PTPN14: variants seen among roughly 807,000 people sequenced by gnomAD.
PTPN14 encodes protein tyrosine phosphatase non-receptor type 14, also known as tyrosine-protein phosphatase non-receptor type 14.
Under a neutral mutation model 126.8 loss-of-function variants are expected in PTPN14, and 53 were observed. The ratio of observed to expected loss-of-function variants is 0.42; its 90% CI spans 0.34 to 0.53. PTPN14 has a LOEUF of 0.53. Among genes scored for constraint, PTPN14 ranks in the 20% least tolerant of loss-of-function variants. The pLI is 0.08. For missense variants in PTPN14, 1,257 were observed against 1,552.9 expected, an observed-to-expected ratio of 0.81 and a Z score of 3.20; for synonymous variants, 630 against 599.3, an observed-to-expected ratio of 1.05 and a Z score of -0.75.
intron 11 of PTPN14, among the ~76,000 whole-genome samples, chr1:214,387,604 G>A (rs1247429235): frequency 6.6e-6 from 1 of 151,774 alleles, no homozygotes; most frequent in East Asian, 1.9e-4. Context: ...GTTGAACCTG[G>A]GCGGCGGAGG....
chr1:214,416,943 G>A (rs1220476382), intron 3 of PTPN14, among the ~76,000 whole-genome samples: 1 of 151,774 alleles, frequency 6.6e-6, no homozygotes, highest in African/African-American at 2.4e-5. Context: ...AAATATAACA[G>A]TGAATTCTAT....
At chr1:214,530,645 T>A (rs1655521911) in intron 1 of PTPN14, 2 of 152,140 alleles carry the variant, frequency 1.3e-5, no homozygotes, top group Admixed American at 6.5e-5. Context: ...CCTGGCTCTA[T>A]AATATATTTT....
chr1:214,472,449 T>C (rs1410340020), intron 1 of PTPN14, among the ~76,000 whole-genome samples: 1 of 152,192 alleles, frequency 6.6e-6, no homozygotes, highest in Admixed American at 6.5e-5. Context: ...TGCAGAAGCA[T>C]GAGCCAATTC....
intron 1 of PTPN14, among the ~76,000 whole-genome samples, chr1:214,493,858 G>GT (rs1661302753): frequency 6.6e-6 from 1 of 152,096 alleles, no homozygotes; most frequent in Admixed American, 6.5e-5. Context: ...TCAAAAAAAA[G>GT]TAAGAACAAC....
chr1:214,518,940 T>C (rs569630153), intron 1 of PTPN14, among the ~76,000 whole-genome samples: 2 of 152,316 alleles, frequency 1.3e-5, no homozygotes, highest in East Asian at 3.9e-4. Flanking sequence ...ACTAATTTCC[T>C]AGATAATTTG....
chr1:214,439,741 T>C (rs1306400508), intron 3 of PTPN14, among the ~76,000 whole-genome samples: 1 of 152,212 alleles, frequency 6.6e-6, no homozygotes, highest in Non-Finnish European at 1.5e-5. Context: ...TGCTGACACC[T>C]TTCTACTGTT....
rs1361077952 is a variant in PTPN14 at position 214,551,212 on chromosome 1, A to C, written c.-184T>G. On this transcript the variant is annotated 5_prime_UTR_variant, in exon 1 of 19. Transcript: ENST00000366956. ...TTACATGGCCCCCGTGGCGCCCCGG[A>C]GTCCCGCGCGGAAAGGCTGTCCTTC... 1 of 152,322 alleles carries C rather than the reference A, an allele frequency of 6.6e-6. No individual in the cohort carries two copies. Among genetic ancestry groups the C allele is most frequent in the Admixed American group, 6.5e-5 (1 of 15,292 alleles). 9.4% of individuals were successfully genotyped at this position (152,322 alleles called of 1,614,324 possible).
At chr1:214,423,404 C>T (rs1303185445) in intron 3 of PTPN14, among the ~76,000 whole-genome samples, 1 of 152,124 alleles carries the variant, frequency 6.6e-6, no homozygotes, top group Non-Finnish European at 1.5e-5. Flanking sequence ...GGCACACTTC[C>T]GGTGACCACA....
chr1:214,504,447 C>T (rs373774571), intron 1 of PTPN14, among the ~76,000 whole-genome samples: 7 of 152,106 alleles, frequency 4.6e-5, no homozygotes, highest in African/African-American at 1.7e-4. Flanking sequence ...CTCTTCCTGT[C>T]GCACCAAAAC....
At chr1:214,449,533 G>A (rs1295238254) in intron 3 of PTPN14, among the ~76,000 whole-genome samples, 1 of 152,092 alleles carries the variant, frequency 6.6e-6, no homozygotes, top group Non-Finnish European at 1.5e-5. Context: ...CTTAATGGCC[G>A]AGAGCCAAGA....
chr1:214,404,083 T>C (rs1309509978), intron 5 of PTPN14, among the ~76,000 whole-genome samples: 2 of 152,190 alleles, frequency 1.3e-5, no homozygotes, highest in African/African-American at 2.4e-5. Context: ...TATATAAAGA[T>C]TCATCTCCAA....
rs1159209240 is a variant in PTPN14 at position 214,436,786 on chromosome 1, C to CAA, written c.344+15017_344+15018dup. Among the ~76,000 whole-genome samples the CAA allele has an allele frequency of 5.8e-3, 269 of 46,510 alleles. 9 individuals are homozygous for CAA. Among genetic ancestry groups the CAA allele is most frequent in the Non-Finnish European group, 7.3e-3 (166 of 22,720 alleles). 30.5% of individuals were successfully genotyped at this position (46,510 alleles called of 152,430 possible). ...TGGGCGACAGAGAAAGACTCCGTCT[C>CAA]AAAAAAAAAAAAAAAAAAAAAAAAA... On this transcript the variant is annotated intron_variant, in intron 3 of 18. Coordinates refer to ENST00000366956, the MANE Select transcript of PTPN14 (RefSeq NM_005401.5).
rs910834635 is a variant in PTPN14 at position 214,549,336 on chromosome 1, G to T, written c.-155+1847C>A. Among the ~76,000 whole-genome samples the T allele has an allele frequency of 9.2e-5, 14 of 152,214 alleles. 1 individual carries two copies. The highest frequency in any genetic ancestry group is 3.4e-4 in the African/African-American group (14 of 41,454). On this transcript the variant is annotated intron_variant, in intron 1 of 18. Transcript: ENST00000366956. ...CTGGGCCATTAGTCTACAAAAATGT[G>T]CAAGATAGTGTTTTCTATTTTCATA...
At chr1:214,446,699 A>T (rs1660148311) in intron 3 of PTPN14, among the ~76,000 whole-genome samples, 1 of 152,002 alleles carries the variant, frequency 6.6e-6, no homozygotes, top group Non-Finnish European at 1.5e-5. Context: ...TTTGACTCCT[A>T]TGTGTCTTGA....
chr1:214,410,539 C>A lies in PTPN14; in HGVS notation c.510+1145G>T, dbSNP rs1456302338. On this transcript the variant is annotated intron_variant, in intron 5 of 18. Coordinates refer to ENST00000366956, the MANE Select transcript of PTPN14 (RefSeq NM_005401.5). ...ACCTTTTGACCTTGTGATCCGGCCG[C>A]CTAGGCCTCCCAAAGTGCTGAGATT... Among the ~76,000 whole-genome samples the A allele has an allele frequency of 2.0e-5, 3 of 152,162 alleles. No homozygotes were observed. In the East Asian group the frequency reaches 5.8e-4, roughly 29 times the overall value.
At chr1:214,431,876 CATT>C (rs1416410500) in intron 3 of PTPN14, among the ~76,000 whole-genome samples, 1 of 152,152 alleles carries the variant, frequency 6.6e-6, no homozygotes, top group Non-Finnish European at 1.5e-5. Context: ...CAGGAGTCAT[CATT>C]GTTAATATTA....
intron 1 of PTPN14, among the ~76,000 whole-genome samples, chr1:214,538,418 T>C (rs6689199): frequency 0.031 from 4,766 of 152,260 alleles, 285 homozygotes; most frequent in East Asian, 0.27. Context: ...CTTCATAATG[T>C]TGTTACAAGT....
intron 3 of PTPN14, among the ~76,000 whole-genome samples, chr1:214,416,365 G>C (rs1659426267): frequency 6.6e-6 from 1 of 152,328 alleles, no homozygotes; most frequent in Non-Finnish European, 1.5e-5. Context: ...GATCAGCTAA[G>C]ATTATTTATT....
chr1:214,446,036 G>GA (rs1339226930), intron 3 of PTPN14, among the ~76,000 whole-genome samples: 2 of 152,022 alleles, frequency 1.3e-5, no homozygotes, highest in African/African-American at 4.8e-5. Context: ...AAGCAAAATG[G>GA]AAAAAATTAC....
Sources: gnomAD v4.1 joint callset for allele counts (sites outside exome capture counted in the v4.1 genomes callset) on GRCh38, gnomAD v4.1.1 for gene constraint, MANE v1.5 for transcripts, NCBI Gene and HGNC (gene_info 2026-07-23, HGNC 2026-07-21) for gene names.